The following GRIP1 variants were observed in gnomAD, a reference collection of about 807,000 sequenced individuals.
The protein encoded by GRIP1 is glutamate receptor-interacting protein 1.
GRIP1 carries 45 observed loss-of-function variants against 129.9 expected under a neutral mutation model. The ratio of observed to expected loss-of-function variants is 0.35; its 90% CI spans 0.27 to 0.44. The LOEUF is 0.44. GRIP1 is among the 20% of genes least tolerant of loss of function. The probability of loss-of-function intolerance (pLI) is 1.00; values close to 1 mark genes in which losing one functional copy is unlikely to be tolerated. For synonymous variants in GRIP1, 530 were observed against 520.8 expected (o/e 1.02, Z -0.24); for missense variants, 1,196 against 1,396.8 (o/e 0.86, Z 2.29).
At chr12:66,355,436 TAA>T (rs1404926596) in intron 23 of GRIP1, among the ~76,000 whole-genome samples, 2 of 152,160 alleles carry the variant, frequency 1.3e-5, no homozygotes, top group Admixed American at 1.3e-4. Flanking sequence ...GTGACAGATA[TAA>T]AGTTTTCTCA....
chr12:67,006,633 A>C (rs1037750667), intron 1 of GRIP1, among the ~76,000 whole-genome samples: 2 of 152,206 alleles, frequency 1.3e-5, no homozygotes, highest in Non-Finnish European at 1.5e-5. Context: ...GACAGCCTTC[A>C]TCTGAGGGTA....
At chr12:66,744,177 A>C (rs973714069) in intron 1 of GRIP1, among the ~76,000 whole-genome samples, 12 of 152,224 alleles carry the variant, frequency 7.9e-5, no homozygotes, top group Non-Finnish European at 1.5e-5. Context: ...ACATAAATAC[A>C]TGAAAATGAA....
intron 1 of GRIP1, among the ~76,000 whole-genome samples, chr12:66,707,442 C>T (rs2035568342): frequency 6.7e-6 from 1 of 149,876 alleles, no homozygotes; most frequent in African/African-American, 2.5e-5. Flanking sequence ...CAAACACAAT[C>T]CTTCTTCTCT....
Position 66,959,787 on chromosome 12 carries a change from T to G in GRIP1, c.58+109263A>C, listed in dbSNP as rs530389167. ...CTAGTTTAATATTTTTACAAATACA[T>G]GATCATTTTTAGAAAAGTATGTACA... On this transcript the variant is annotated intron_variant, in intron 1 of 1. Coordinates refer to the GRIP1 transcript ENST00000643019. 7.8e-4 allele frequency among the ~76,000 whole-genome samples: 119 copies of G among 152,312 alleles called. 2 individuals are homozygous for G. Among genetic ancestry groups the G allele is most frequent in the Admixed American group, 3.5e-3 (54 of 15,278 alleles).
intron 1 of GRIP1, among the ~76,000 whole-genome samples, chr12:66,599,750 T>C (rs192220669): frequency 5.4e-4 from 83 of 152,294 alleles, no homozygotes; most frequent in African/African-American, 1.4e-3. Flanking sequence ...TGCAGCTTTA[T>C]AGATATATCC....
chr12:66,435,037 G>A (rs1473102908), intron 13 of GRIP1, among the ~76,000 whole-genome samples: 1 of 152,142 alleles, frequency 6.6e-6, no homozygotes, highest in Non-Finnish European at 1.5e-5. Context: ...ACATTGATTC[G>A]GTAGAGGAAA....
At chr12:66,963,459 A>G (rs1036095680) in intron 1 of GRIP1, among the ~76,000 whole-genome samples, 1 of 152,216 alleles carries the variant, frequency 6.6e-6, no homozygotes, top group Admixed American at 6.5e-5. Flanking sequence ...GGTAGGGATT[A>G]TAATTGGACC....
intron 1 of GRIP1, among the ~76,000 whole-genome samples, chr12:66,688,003 C>T (rs2034844564): frequency 6.6e-6 from 1 of 152,152 alleles, no homozygotes; most frequent in Non-Finnish European, 1.5e-5. Context: ...CTTATCACCA[C>T]ATGGGAAAAG....
upstream of GRIP1, among the ~76,000 whole-genome samples, chr12:66,809,105 G>T (rs2039053443): frequency 1.3e-5 from 2 of 152,276 alleles, 1 homozygote; most frequent in Middle Eastern, 6.8e-3. Flanking sequence ...GCAAATATAT[G>T]TTAACAAATA....
chr12:66,890,011 C>T (rs537333900), intron 1 of GRIP1, among the ~76,000 whole-genome samples: 3 of 151,918 alleles, frequency 2.0e-5, no homozygotes, highest in East Asian at 1.9e-4. Context: ...CTCAATGTAG[C>T]CTTGACCTCC....
chr12:66,855,066 T>C (rs748856917), intron 1 of GRIP1, among the ~76,000 whole-genome samples: 97 of 151,952 alleles, frequency 6.4e-4, no homozygotes, highest in Non-Finnish European at 1.1e-3. Context: ...TATTGGCGTG[T>C]GTGAGGAGTG....
intron 1 of GRIP1, among the ~76,000 whole-genome samples, chr12:66,995,721 G>A (rs1464578789): frequency 1.3e-5 from 2 of 152,080 alleles, no homozygotes; most frequent in Non-Finnish European, 2.9e-5. Context: ...TACATTGCTT[G>A]GTAAGAAGAT....
chr12:67,055,940 G>C (rs900661759), intron 1 of GRIP1, among the ~76,000 whole-genome samples: 1 of 152,142 alleles, frequency 6.6e-6, no homozygotes, highest in Non-Finnish European at 1.5e-5. Flanking sequence ...AGGACAATTC[G>C]TATGAATATT....
At chr12:66,437,814 G>C (rs2058355690) in intron 13 of GRIP1, among the ~76,000 whole-genome samples, 2 of 152,170 alleles carry the variant, frequency 1.3e-5, no homozygotes, top group Admixed American at 1.3e-4. Flanking sequence ...AAGAATGTCA[G>C]TAGGGCAGAG....
rs531368069 is a variant in GRIP1, at chr12:66,821,698, A to C, written c.59-224771T>G. 8.5e-5 allele frequency among the ~76,000 whole-genome samples: 13 copies of C among 152,346 alleles called. No homozygotes were observed. In the South Asian group the frequency reaches 2.7e-3, roughly 32 times the overall value. ...ACTCACACTTCTGGGTTTTGGAAAC[A>C]AACCATTGAGATCACCAGCAACTCC... is the stretch of plus-strand genomic sequence containing the variant. On this transcript the variant is annotated intron_variant, in intron 1 of 1. Transcript: ENST00000643019.
At chr12:66,954,966 T>C (rs546049650) in intron 1 of GRIP1, among the ~76,000 whole-genome samples, 2 of 152,208 alleles carry the variant, frequency 1.3e-5, no homozygotes, top group African/African-American at 4.8e-5. Flanking sequence ...AAGGCCTCAT[T>C]GATAAAGTGC....
chr12:67,016,586 C>T (rs2042791107), intron 1 of GRIP1, among the ~76,000 whole-genome samples: 1 of 152,030 alleles, frequency 6.6e-6, no homozygotes, highest in Non-Finnish European at 1.5e-5. Context: ...TTACTTCTGA[C>T]CTGCTGTCCC....
Position 66,445,393 on chromosome 12 carries a change from A to G in GRIP1, c.1470T>C (p.Ser490=). 6.2e-7 allele frequency: 1 copy of G among 1,614,200 alleles called. No homozygotes were observed. Among genetic ancestry groups the G allele is most frequent in the Non-Finnish European group, 8.5e-7 (1 of 1,180,006 alleles). Residue 490 remains serine (S), a synonymous_variant, in exon 12 of 25, where the codon AGT becomes AGC. Transcript: ENST00000359742. ...AAGAGAGAGTTTCTGTGGCAAACAC[A>G]CTGCCCTGCAGTTGGATCCCAAATC... ...VTGFGIQLQG[S]VFATETLSSP... is the part of the protein sequence containing the mutation.
intron 22 of GRIP1, 63 bp downstream of exon 22, chr12:66,376,954 A>G (rs2055813104): frequency 8.9e-7 from 1 of 1,119,586 alleles, no homozygotes; most frequent in South Asian, 1.2e-5. Context: ...ATTGCTGTCC[A>G]GAAGGCAAGG....
Sources: gnomAD v4.1 joint callset for allele counts (sites outside exome capture counted in the v4.1 genomes callset) on GRCh38, gnomAD v4.1.1 for gene constraint, MANE v1.5 for transcripts, NCBI Gene and HGNC (gene_info 2026-07-23, HGNC 2026-07-21) for gene names.